MYO9A: variants seen among roughly 807,000 people sequenced by gnomAD.
The protein encoded by MYO9A is unconventional myosin-IXa.
Under a neutral mutation model 293.3 loss-of-function variants are expected in MYO9A, and 103 were observed. The ratio of observed to expected loss-of-function variants is 0.35; its 90% CI spans 0.30 to 0.41. The LOEUF is 0.41. Ranked by LOEUF, MYO9A falls within the 10% of genes least tolerant of loss-of-function variation. The pLI is 1.00. For synonymous variants in MYO9A, 1,001 were observed against 1,035.7 expected, an observed-to-expected ratio of 0.97 and a Z score of 0.64; for missense variants, 2,685 against 3,033.0, an observed-to-expected ratio of 0.89 and a Z score of 2.69.
At chr15:71,859,215 T>G (rs1338261050) in intron 34 of MYO9A, among the ~76,000 whole-genome samples, 1 of 152,228 alleles carries the variant, frequency 6.6e-6, no homozygotes. Context: ...GTTGTGATCA[T>G]ACATCGATAA....
At chr15:71,908,001 A>G (rs1309477316) in intron 19 of MYO9A, among the ~76,000 whole-genome samples, 1 of 152,172 alleles carries the variant, frequency 6.6e-6, no homozygotes, top group East Asian at 1.9e-4. Context: ...TTGGTGTTTT[A>G]GACATGAAGT....
intron 2 of MYO9A, among the ~76,000 whole-genome samples, chr15:72,044,379 C>G (rs1322813566): frequency 6.6e-6 from 1 of 150,608 alleles, no homozygotes; most frequent in Non-Finnish European, 1.5e-5. Flanking sequence ...GCACTCCAGC[C>G]TGGCAAGAAG....
At chr15:71,957,835 G>A (rs2059240103) in intron 14 of MYO9A, among the ~76,000 whole-genome samples, 1 of 152,100 alleles carries the variant, frequency 6.6e-6, no homozygotes, top group East Asian at 1.9e-4. Context: ...CATCCTGATG[G>A]CACAGCTGAA....
chr15:72,075,257 C>T (rs888649691), intron 1 of MYO9A, among the ~76,000 whole-genome samples: 7 of 152,116 alleles, frequency 4.6e-5, no homozygotes, highest in East Asian at 1.9e-4. Context: ...TGAGCTACCA[C>T]GCTCAGCCTT....
chr15:72,059,825 C>G (rs992321306), intron 1 of MYO9A, among the ~76,000 whole-genome samples: 4 of 152,204 alleles, frequency 2.6e-5, no homozygotes, highest in Non-Finnish European at 5.9e-5. Flanking sequence ...CTTGTAATAA[C>G]AAGACTCAGC....
intron 4 of MYO9A, among the ~76,000 whole-genome samples, chr15:72,025,735 G>A (rs777152404): frequency 2.6e-5 from 4 of 152,086 alleles, no homozygotes; most frequent in Non-Finnish European, 4.4e-5. Context: ...TTTCAATAAT[G>A]AAGAAAGCAA....
intron 1 of MYO9A, among the ~76,000 whole-genome samples, chr15:72,110,492 C>CTAGA (rs2080744655): frequency 6.7e-6 from 1 of 149,054 alleles, no homozygotes; most frequent in Non-Finnish European, 1.5e-5. Flanking sequence ...CCACTATCAT[C>CTAGA]TGATCAATAA....
intron 1 of MYO9A, among the ~76,000 whole-genome samples, chr15:72,060,735 C>A (rs1308709093): frequency 6.6e-6 from 1 of 152,172 alleles, no homozygotes; most frequent in East Asian, 1.9e-4. Flanking sequence ...ACTCTGGGAT[C>A]ATACATAAAC....
intron 15 of MYO9A, among the ~76,000 whole-genome samples, chr15:71,940,252 T>C (rs1249180125): frequency 6.6e-6 from 1 of 152,152 alleles, no homozygotes; most frequent in Non-Finnish European, 1.5e-5. Context: ...CCCAACAGTT[T>C]GGGAGGCCAA....
chr15:71,919,018 C>T (rs1226916170), intron 18 of MYO9A, among the ~76,000 whole-genome samples: 3 of 152,148 alleles, frequency 2.0e-5, no homozygotes, highest in African/African-American at 7.2e-5. Context: ...AAAACTCTTG[C>T]TTAAATACTG....
chr15:71,837,629 T>C (rs1325725092), intron 39 of MYO9A, among the ~76,000 whole-genome samples: 1 of 152,058 alleles, frequency 6.6e-6, no homozygotes, highest in Non-Finnish European at 1.5e-5. Context: ...TCTTTTAATA[T>C]GGCTAAAGAA....
At chr15:71,871,506 G>A (rs2056512431) in intron 32 of MYO9A, among the ~76,000 whole-genome samples, 1 of 151,872 alleles carries the variant, frequency 6.6e-6, no homozygotes, top group African/African-American at 2.4e-5. Context: ...ACCAGCCTGG[G>A]CCCCATGGTG....
intron 19 of MYO9A, among the ~76,000 whole-genome samples, chr15:71,913,230 T>G (rs1567264459): frequency 6.6e-6 from 1 of 152,310 alleles, no homozygotes; most frequent in East Asian, 1.9e-4. Context: ...ACTTCTGAAC[T>G]GTCTAACCGA....
At chr15:72,058,345 T>C (rs1314966235) in intron 1 of MYO9A, among the ~76,000 whole-genome samples, 3 of 152,212 alleles carry the variant, frequency 2.0e-5, no homozygotes, top group African/African-American at 7.2e-5. Flanking sequence ...CCATCTATAG[T>C]TATAATCAAA....
chr15:72,051,581 G>C (rs1175353030), intron 1 of MYO9A, among the ~76,000 whole-genome samples: 1 of 152,128 alleles, frequency 6.6e-6, no homozygotes, highest in African/African-American at 2.4e-5. Flanking sequence ...AGAGGTGTTT[G>C]CTCCCACTGC....
intron 1 of MYO9A, among the ~76,000 whole-genome samples, chr15:72,116,056 G>T (rs2080962632): frequency 6.6e-6 from 1 of 152,146 alleles, no homozygotes; most frequent in Non-Finnish European, 1.5e-5. Flanking sequence ...GCAACCATTT[G>T]TGTACAGTGT....
chr15:72,086,288 G>A (rs567426884), intron 1 of MYO9A, among the ~76,000 whole-genome samples: 12 of 152,306 alleles, frequency 7.9e-5, no homozygotes, highest in African/African-American at 2.4e-4. Flanking sequence ...GGTGTTAGCC[G>A]GGTAGTGCTG....
At chr15:72,000,065 G>T in intron 8 of MYO9A, 125 bp from the exon 9 acceptor site, 3 of 628,040 alleles carry the variant, frequency 4.8e-6, no homozygotes, top group East Asian at 3.1e-5. Context: ...AGAGAAAAAA[G>T]GCAATACACT....
At chr15:71,924,691 T>C (rs942192656) in intron 18 of MYO9A, among the ~76,000 whole-genome samples, 7 of 152,006 alleles carry the variant, frequency 4.6e-5, no homozygotes, top group Admixed American at 1.3e-4. Context: ...GAGGCCAAGA[T>C]GGGTGGATCA....
Sources: allele counts gnomAD v4.1 joint callset (sites outside exome capture counted in the v4.1 genomes callset), GRCh38; gene constraint gnomAD v4.1.1; transcripts MANE v1.5; gene names NCBI Gene and HGNC (gene_info 2026-07-23, HGNC 2026-07-21).